The following AGPS variants were observed in gnomAD, a reference collection of about 807,000 sequenced individuals.
AGPS encodes alkylglycerone phosphate synthase.
A neutral mutation model predicts 90.7 loss-of-function variants in AGPS; 26 were observed. The observed-to-expected ratio is 0.29, with a 90% confidence interval of 0.21 to 0.40. The LOEUF is 0.40. Ranked by LOEUF, AGPS falls within the 10% of genes least tolerant of loss-of-function variation. The pLI is 1.00. For missense variants in AGPS, 540 were observed against 816.1 expected, an observed-to-expected ratio of 0.66 and a Z score of 4.12; for synonymous variants, 294 against 285.3, an observed-to-expected ratio of 1.03 and a Z score of -0.31.
intron 8 of AGPS, among the ~76,000 whole-genome samples, chr2:177,459,744 G>A (rs1186890970): frequency 2.6e-5 from 4 of 152,196 alleles, no homozygotes; most frequent in East Asian, 3.8e-4. Flanking sequence ...AACCATTGTG[G>A]AAGACAGTGT....
intron 10 of AGPS, among the ~76,000 whole-genome samples, chr2:177,479,278 C>T (rs1373526143): frequency 1.3e-5 from 2 of 152,154 alleles, no homozygotes; most frequent in Non-Finnish European, 2.9e-5. Context: ...GAGCTTTTGT[C>T]CCACAGTTGG....
intron 1 of AGPS, among the ~76,000 whole-genome samples, chr2:177,406,221 T>G (rs1382406960): frequency 6.6e-6 from 1 of 152,216 alleles, no homozygotes; most frequent in East Asian, 1.9e-4. Flanking sequence ...CCCTTTCTTT[T>G]GTTTCCCGCC....
intron 16 of AGPS, among the ~76,000 whole-genome samples, chr2:177,513,371 G>T (rs1171644331): frequency 3.9e-5 from 6 of 152,214 alleles, no homozygotes; most frequent in African/African-American, 1.4e-4. Context: ...GGGATAACAG[G>T]TGTGAGCCAT....
intron 8 of AGPS, among the ~76,000 whole-genome samples, chr2:177,453,429 G>T (rs921679955): frequency 6.6e-6 from 1 of 151,380 alleles, no homozygotes; most frequent in African/African-American, 2.4e-5. Flanking sequence ...GCCCCACCAC[G>T]CCCAGCTAAT....
Position 177,445,604 on chromosome 2 carries a change from C to A in AGPS, c.848C>A (p.Thr283Lys). 1 of 1,611,888 alleles carries A rather than the reference C, an allele frequency of 6.2e-7. No individual in the cohort carries two copies. Among genetic ancestry groups the A allele is most frequent in the Non-Finnish European group, 8.5e-7 (1 of 1,178,634 alleles). ...NLTAHVEAGITGQELERQLKE... is the reference protein window; with the variant it reads ...NLTAHVEAGIKGQELERQLKE... The stretch of plus-strand genomic sequence containing the variant: ...ACAGCTCATGTAGAGGCTGGCATAA[C>A]AGGACAAGAGTTGGAAAGACAGGTA... Residue 283 changes from threonine (T) to lysine (K), a missense_variant, in exon 8 of 20, where the codon ACA becomes AAA. Transcript: ENST00000264167.
intron 8 of AGPS, among the ~76,000 whole-genome samples, chr2:177,460,527 G>A (rs1258729480): frequency 6.6e-6 from 1 of 152,196 alleles, no homozygotes; most frequent in East Asian, 1.9e-4. Flanking sequence ...GTTTTGTCAT[G>A]ACAGTATGTG....
rs899137263 is a variant in AGPS at position 177,539,433 on chromosome 2, T to C, written c.*1238T>C. ...TGGATATTAAAGTGAAATGATTACT[T>C]TGAATCACTGTCTGCCAAGGTTCAT... On this transcript the variant is annotated 3_prime_UTR_variant, in exon 20 of 20. Transcript: ENST00000264167. 7.9e-5 allele frequency: 12 copies of C among 152,062 alleles called. No homozygotes were observed. Among genetic ancestry groups the C allele is most frequent in the Admixed American group, 7.9e-4 (12 of 15,252 alleles). 9.4% of individuals were successfully genotyped at this position (152,062 alleles called of 1,614,324 possible).
intron 1 of AGPS, 88 bp downstream of exon 1, chr2:177,393,137 G>A: frequency 6.5e-7 from 1 of 1,549,470 alleles, no homozygotes; most frequent in Non-Finnish European, 8.7e-7. Context: ...GGGAAGGGAA[G>A]TGACACGGGT....
intron 12 of AGPS, among the ~76,000 whole-genome samples, chr2:177,494,731 C>T (rs1173207116): frequency 6.6e-6 from 1 of 152,184 alleles, no homozygotes; most frequent in African/African-American, 2.4e-5. Context: ...TCTACCTTCT[C>T]TAGTCTTTAC....
At chr2:177,467,393 AT>A (rs1687485655) in intron 9 of AGPS, among the ~76,000 whole-genome samples, 1 of 152,190 alleles carries the variant, frequency 6.6e-6, no homozygotes, top group African/African-American at 2.4e-5. Flanking sequence ...AAGGAAAAAT[AT>A]TCTTTTTAAA....
At chr2:177,461,565 T>G (rs745532313) in intron 8 of AGPS, among the ~76,000 whole-genome samples, 1 of 152,056 alleles carries the variant, frequency 6.6e-6, no homozygotes, top group African/African-American at 2.4e-5. Context: ...TTAAACTATC[T>G]CTTTGTAGAA....
At position 177,499,490 on chromosome 2, in the gene AGPS, C is replaced by T. The variant is rs577558721; in HGVS notation, c.1363-128C>T. On this transcript the variant is annotated intron_variant, in intron 13 of 19. Transcript: ENST00000264167. ...TCTTAGTGATTGACATGTAAAGTTCCAAAGCTCAATTTTTAAGAAATCAGT... is the reference window on the plus strand; with the variant it reads ...TCTTAGTGATTGACATGTAAAGTTCTAAAGCTCAATTTTTAAGAAATCAGT... 2.0e-4 allele frequency: 124 copies of T among 629,746 alleles called. No homozygotes were observed. The South Asian group carries it at 2.4e-3, about 12-fold the overall frequency. The allele number at this position is 629,746 out of a possible 1,614,324, so 39.0% of individuals were successfully genotyped here.
chr2:177,470,987 T>C (rs1178083946), intron 10 of AGPS, among the ~76,000 whole-genome samples: 1 of 152,136 alleles, frequency 6.6e-6, no homozygotes, highest in African/African-American at 2.4e-5. Context: ...TTATAAGGAT[T>C]AAGTGAGATT....
chr2:177,478,695 T>C (rs1687858778), intron 10 of AGPS, among the ~76,000 whole-genome samples: 2 of 152,156 alleles, frequency 1.3e-5, no homozygotes, highest in South Asian at 4.1e-4. Flanking sequence ...TTCTTCTTAA[T>C]AGTTTATCTT....
chr2:177,445,449 C>T (rs1686741432), intron 7 of AGPS, 97 bp from the exon 8 acceptor site: 1 of 1,068,140 alleles, frequency 9.4e-7, no homozygotes, highest in Admixed American at 1.8e-5. Flanking sequence ...TGCTTAATCA[C>T]TGTCTTACCA....
chr2:177,518,844 T>C (rs1196137491), intron 17 of AGPS, among the ~76,000 whole-genome samples: 1 of 151,998 alleles, frequency 6.6e-6, no homozygotes, highest in Non-Finnish European at 1.5e-5. Flanking sequence ...CCTTTTGATC[T>C]GGGAAAGTAG....
intron 2 of AGPS, among the ~76,000 whole-genome samples, chr2:177,422,495 G>T (rs140042011): frequency 5.3e-5 from 8 of 152,124 alleles, no homozygotes; most frequent in Admixed American, 3.3e-4. Flanking sequence ...AGAGTCCAGT[G>T]GGGGAGAGGG....
intron 8 of AGPS, among the ~76,000 whole-genome samples, chr2:177,450,429 G>A (rs1051469072): frequency 2.0e-5 from 3 of 152,060 alleles, no homozygotes; most frequent in Non-Finnish European, 4.4e-5. Context: ...TTAGATTTAG[G>A]TCTCTAATCA....
chr2:177,501,564 T>C (rs139285895), intron 14 of AGPS, among the ~76,000 whole-genome samples: 1 of 152,362 alleles, frequency 6.6e-6, no homozygotes, highest in African/African-American at 2.4e-5. Context: ...TCTTTTATTC[T>C]ACTTTGTTTA....
Sources: gnomAD v4.1 joint callset for allele counts (sites outside exome capture counted in the v4.1 genomes callset) on GRCh38, gnomAD v4.1.1 for gene constraint, MANE v1.5 for transcripts, NCBI Gene and HGNC (gene_info 2026-07-23, HGNC 2026-07-21) for gene names.